The following KPNA4 variants were observed in gnomAD, a reference collection of about 807,000 sequenced individuals.
KPNA4 encodes the protein importin subunit alpha-3.
In KPNA4, 13 loss-of-function variants were observed where a neutral mutation model predicts 71.3. The observed-to-expected ratio is 0.18, with a 90% CI of 0.12 to 0.29. The LOEUF is 0.29. KPNA4 is among the 10% of genes least tolerant of loss of function. KPNA4 has a pLI of 1.00. For missense variants in KPNA4, 334 were observed against 603.2 expected (o/e 0.55, Z 4.67); for synonymous variants, 189 against 195.2 (o/e 0.97, Z 0.26).
intron 13 of KPNA4, 118 bp from the exon 14 acceptor site, chr3:160,509,989 T>A (rs1295862288): frequency 4.3e-6 from 3 of 694,416 alleles, no homozygotes; most frequent in Non-Finnish European, 7.7e-6. Flanking sequence ...AGTCTTTCTG[T>A]ATATATCATT....
Position 160,517,754 on chromosome 3 carries a change from T to C in KPNA4, c.904-2174A>G, listed in dbSNP as rs1051457014. 6.6e-5 allele frequency among the ~76,000 whole-genome samples: 10 copies of C among 151,734 alleles called. 1 individual carries two copies. The highest frequency in any genetic ancestry group is 2.2e-4 in the African/African-American group (9 of 40,978). On this transcript the variant is annotated intron_variant, in intron 11 of 16. Coordinates refer to ENST00000334256, the MANE Select transcript of KPNA4 (RefSeq NM_002268.5). ...TCATGTGCTTACTGACCATTTGTTATATCTTCTTTAGAAGCCTGCTTACTC... is the reference window on the plus strand; with the variant it reads ...TCATGTGCTTACTGACCATTTGTTACATCTTCTTTAGAAGCCTGCTTACTC...
At position 160,496,947 on chromosome 3, in the gene KPNA4, G is replaced by T. The variant is rs1002586490; in HGVS notation, c.*5157C>A. On this transcript the variant is annotated 3_prime_UTR_variant, in exon 17 of 17. Coordinates refer to ENST00000334256, the MANE Select transcript of KPNA4 (RefSeq NM_002268.5). ...GCCTGGATTTAAAAGGAATTTTCAA[G>T]ATTATTGTTAACTTCTGGGTTAAGT... is the stretch of plus-strand genomic sequence containing the variant. The T allele has an allele frequency of 3.9e-5, 6 of 152,284 alleles. No homozygotes were observed. The highest frequency in any genetic ancestry group is 1.9e-4 in the East Asian group (1 of 5,192). The allele number at this position is 152,284 out of a possible 1,614,324, so 9.4% of individuals were successfully genotyped here. A position where few individuals can be genotyped will look rare whatever the true frequency, so the allele number is the denominator to read the frequency against.
intron 2 of KPNA4, 59 bp from the exon 3 acceptor site, chr3:160,535,956 C>T (rs899051410): frequency 9.2e-7 from 1 of 1,083,864 alleles, no homozygotes; most frequent in Non-Finnish European, 1.2e-6. Flanking sequence ...AAAAAGAAAA[C>T]CTGAATACTT....
chr3:160,529,287 CA>C (rs1383916053), intron 7 of KPNA4, among the ~76,000 whole-genome samples: 2 of 151,700 alleles, frequency 1.3e-5, no homozygotes, highest in African/African-American at 4.8e-5. Context: ...CTAGCAGGGT[CA>C]AAAAAATTCT....
rs1433502065 is a variant in KPNA4 at position 160,528,654 on chromosome 3, C to T, written c.470-615G>A. 3.3e-5 allele frequency among the ~76,000 whole-genome samples: 5 copies of T among 152,334 alleles called. No homozygotes were observed. In the East Asian group the frequency reaches 7.7e-4, roughly 24 times the overall value. ...GTGCTGGGATTACAGGCATGAGCCA[C>T]TGCACCCGGCCTGAAGTAACTTTTG... On this transcript the variant is annotated intron_variant, in intron 7 of 16. Coordinates refer to ENST00000334256, the MANE Select transcript of KPNA4 (RefSeq NM_002268.5).
rs577733989 is a variant in KPNA4 at position 160,516,714 on chromosome 3, G to A, written c.904-1134C>T. Among the ~76,000 whole-genome samples, 18 of 152,146 alleles carry A rather than the reference G, an allele frequency of 1.2e-4. No homozygotes were observed. In the South Asian group the frequency reaches 3.5e-3, roughly 30 times the overall value. ...TTGAGCCTGGGAGGTCCAGGCTGAA[G>A]TGAGCTGTGATCATACCACTGCACT... On this transcript the variant is annotated intron_variant, in intron 11 of 16. Coordinates refer to ENST00000334256, the MANE Select transcript of KPNA4 (RefSeq NM_002268.5).
chr3:160,554,079 TAGA>T (rs955215306), intron 1 of KPNA4, among the ~76,000 whole-genome samples: 4 of 152,200 alleles, frequency 2.6e-5, no homozygotes, highest in African/African-American at 9.6e-5. Context: ...CAGGGAAGGG[TAGA>T]AGGGAAAGTC....
At chr3:160,551,148 C>T (rs1379432057) in intron 1 of KPNA4, among the ~76,000 whole-genome samples, 1 of 152,078 alleles carries the variant, frequency 6.6e-6, no homozygotes, top group African/African-American at 2.4e-5. Context: ...TTTTAAATCT[C>T]CTTACTACTT....
intron 10 of KPNA4, among the ~76,000 whole-genome samples, chr3:160,522,905 T>TAATC (rs1218990298): frequency 6.6e-6 from 1 of 150,932 alleles, no homozygotes; most frequent in East Asian, 1.9e-4. Context: ...AAAGCCTGTG[T>TAATC]AATCAACTTC....
At position 160,495,813 on chromosome 3, in the gene KPNA4, G is replaced by C. The variant is rs1045672263; in HGVS notation, c.*6291C>G. On this transcript the variant is annotated 3_prime_UTR_variant, in exon 17 of 17. Coordinates refer to ENST00000334256, the MANE Select transcript of KPNA4 (RefSeq NM_002268.5). ...AGAATACATGATGTTTTATGCAGCT[G>C]AACAGGACAACCCTGAAAAGACAAG... 6 of 151,530 alleles carry C rather than the reference G, an allele frequency of 4.0e-5. 1 individual carries two copies. In the South Asian group the frequency reaches 1.3e-3, roughly 32 times the overall value. The allele number at this position is 151,530 out of a possible 1,614,324, so 9.4% of individuals were successfully genotyped here. A position where few individuals can be genotyped will look rare whatever the true frequency, so the allele number is the denominator to read the frequency against.
chr3:160,526,208 C>T (rs1005126211), intron 8 of KPNA4, 101 bp from the exon 9 acceptor site: 38 of 822,282 alleles, frequency 4.6e-5, no homozygotes, highest in Non-Finnish European at 6.4e-5. Context: ...TGTATTTTAT[C>T]CAGATACACT....
intron 14 of KPNA4, 80 bp from the exon 15 acceptor site, chr3:160,508,349 T>A: frequency 9.3e-7 from 1 of 1,078,278 alleles, no homozygotes; most frequent in South Asian, 1.9e-5. Flanking sequence ...ATAATTCTGA[T>A]TTTGAAATTT....
In KPNA4 at chr3:160,531,561, TA is replaced by T; in HGVS notation, c.288-5del. The T allele has an allele frequency of 6.5e-7, 1 of 1,534,906 alleles. No individual in the cohort carries two copies. The highest frequency in any genetic ancestry group is 8.8e-7 in the Non-Finnish European group (1 of 1,130,826). On this transcript the variant is annotated splice_polypyrimidine_tract_variant and splice_region_variant and intron_variant, in intron 5 of 16. Coordinates refer to ENST00000334256, the MANE Select transcript of KPNA4 (RefSeq NM_002268.5). ...TCGATCACTGGACAAAAGCTTCCTG[TA>T]AGAGATAAAAACACTCCTGTGAAAC...
chr3:160,498,304 C>T lies in KPNA4; in HGVS notation c.*3800G>A, dbSNP rs1191406449. 6.6e-6 allele frequency: 1 copy of T among 152,182 alleles called. No homozygotes were observed. The highest frequency in any genetic ancestry group is 1.5e-5 in the Non-Finnish European group (1 of 68,032). The allele number at this position is 152,182 out of a possible 1,614,324, so 9.4% of individuals were successfully genotyped here. On this transcript the variant is annotated 3_prime_UTR_variant, in exon 17 of 17. Coordinates refer to ENST00000334256, the MANE Select transcript of KPNA4 (RefSeq NM_002268.5). Reference sequence around the variant, plus strand: ...TCCCCAAATAAGCTTGCTATGATAACTATATAAGGCTATCACTTGTAAATT... The same window carrying T: ...TCCCCAAATAAGCTTGCTATGATAATTATATAAGGCTATCACTTGTAAATT...
chr3:160,524,394 G>A (rs2108549737), intron 10 of KPNA4, among the ~76,000 whole-genome samples: 1 of 152,148 alleles, frequency 6.6e-6, no homozygotes, highest in Non-Finnish European at 1.5e-5. Context: ...TCAGGCTGCA[G>A]TGCAGTGACA....
At chr3:160,522,883 G>GAA (rs11400875) in intron 10 of KPNA4, among the ~76,000 whole-genome samples, 2,369 of 137,270 alleles carry the variant, frequency 0.017, 60 homozygotes, top group African/African-American at 0.048. Context: ...TGCTACTTAT[G>GAA]AAAAAAAAAA....
At chr3:160,511,920 G>T (rs191273977) in intron 13 of KPNA4, among the ~76,000 whole-genome samples, 67 of 152,024 alleles carry the variant, frequency 4.4e-4, no homozygotes, top group Non-Finnish European at 1.5e-5. Context: ...GCATAAAAGA[G>T]ATGTAAATAT....
rs1324704141 is a variant in KPNA4 at position 160,497,085 on chromosome 3, T to C, written c.*5019A>G. The stretch of plus-strand genomic sequence containing the variant: ...TGCTTCTGATCACACTAGAATAGTT[T>C]TACCAATGTTCATTATTTTTCAACT... On this transcript the variant is annotated 3_prime_UTR_variant, in exon 17 of 17. Transcript: ENST00000334256. The C allele has an allele frequency of 6.6e-6, 1 of 152,226 alleles. No individual in the cohort carries two copies. Among genetic ancestry groups the C allele is most frequent in the Non-Finnish European group, 1.5e-5 (1 of 68,044 alleles). 9.4% of individuals were successfully genotyped at this position (152,226 alleles called of 1,614,324 possible).
Position 160,509,842 on chromosome 3 carries a change from A to C in KPNA4, c.1167T>G (p.Ala389=). 1 of 1,613,096 alleles carries C rather than the reference A, an allele frequency of 6.2e-7. No homozygotes were observed. The highest frequency in any genetic ancestry group is 8.5e-7 in the Non-Finnish European group (1 of 1,179,312). ...TAATTGTTAAGTTACTTATGGCCCA[A>C]GCAGCTTCTTTTTGAGTGCCAAAAT... ...KGDFGTQKEA[A]WAISNLTISG... Residue 389 remains alanine, a synonymous_variant, in exon 14 of 17, where the codon GCT becomes GCG. Transcript: ENST00000334256.
Sources: allele counts gnomAD v4.1 joint callset (sites outside exome capture counted in the v4.1 genomes callset), GRCh38; gene constraint gnomAD v4.1.1; transcripts MANE v1.5; gene names NCBI Gene and HGNC (gene_info 2026-07-23, HGNC 2026-07-21).